Variants in PCNX1 observed in about 807,000 individuals in gnomAD.
PCNX1 encodes pecanex 1.
Under a neutral mutation model 242.2 loss-of-function variants are expected in PCNX1, and 78 were observed. The ratio of observed to expected loss-of-function variants is 0.32; its 90% CI spans 0.27 to 0.39. The LOEUF (loss-of-function observed/expected upper bound fraction) is 0.39, where lower values mean the gene tolerates loss of function less well. PCNX1 is among the 10% of genes least tolerant of loss of function. PCNX1 has a pLI of 1.00. For missense variants in PCNX1, 2,581 were observed against 2,856.5 expected, an observed-to-expected ratio of 0.90 and a Z score of 2.20; for synonymous variants, 1,024 against 1,032.9, an observed-to-expected ratio of 0.99 and a Z score of 0.17.
chr14:70,976,564 G>A (rs1277972472), intron 5 of PCNX1, among the ~76,000 whole-genome samples: 4 of 151,864 alleles, frequency 2.6e-5, no homozygotes, highest in Non-Finnish European at 4.4e-5. Flanking sequence ...TAGTAGAGAC[G>A]GAGTTTCACA....
intron 5 of PCNX1, among the ~76,000 whole-genome samples, chr14:70,973,615 G>A (rs1456801536): frequency 6.6e-6 from 1 of 151,926 alleles, no homozygotes; most frequent in African/African-American, 2.4e-5. Context: ...ATAGCAAGCA[G>A]GAGAAGTAAA....
rs1194262642 is a variant in PCNX1 at position 70,969,124 on chromosome 14, A to G, written c.604+14A>G. 7 of 1,481,004 alleles carry G rather than the reference A, an allele frequency of 4.7e-6. No individual in the cohort carries two copies. Among genetic ancestry groups the G allele is most frequent in the Non-Finnish European group, 5.7e-6 (6 of 1,058,538 alleles). The allele number at this position is 1,481,004 out of a possible 1,614,324, so 91.7% of individuals were successfully genotyped here. On this transcript the variant is annotated intron_variant, in intron 5 of 35. Coordinates refer to ENST00000304743, the MANE Select transcript of PCNX1 (RefSeq NM_014982.3). ...GTGAAGAACAAGGTAAGAACGTTAT[A>G]CTTTACCATGATGTCATATACTGTG...
chr14:70,947,501 G>T (rs1286853473), intron 2 of PCNX1, among the ~76,000 whole-genome samples: 3 of 152,136 alleles, frequency 2.0e-5, no homozygotes, highest in Admixed American at 6.5e-5. Context: ...TGTCTTTACT[G>T]CAGTCTCTGA....
At chr14:70,958,318 A>G (rs1418166586) in intron 2 of PCNX1, among the ~76,000 whole-genome samples, 2 of 152,268 alleles carry the variant, frequency 1.3e-5, no homozygotes, top group Admixed American at 6.5e-5. Flanking sequence ...CAGGGACATT[A>G]TAATTATGAG....
chr14:71,079,355 A>T (rs917619629), intron 28 of PCNX1, among the ~76,000 whole-genome samples: 2 of 152,214 alleles, frequency 1.3e-5, no homozygotes, highest in Non-Finnish European at 2.9e-5. Flanking sequence ...CTTTGTGTGT[A>T]TACCCAAAAT....
At chr14:71,047,422 A>G (rs1048117349) in intron 21 of PCNX1, among the ~76,000 whole-genome samples, 2 of 152,132 alleles carry the variant, frequency 1.3e-5, no homozygotes, top group African/African-American at 4.8e-5. Context: ...AGTTGCCTCC[A>G]TAGTCATCCG....
chr14:70,978,221 C>G lies in PCNX1; in HGVS notation c.1884C>G (p.Thr628=). 6.2e-7 allele frequency: 1 copy of G among 1,614,050 alleles called. No homozygotes were observed. The highest frequency in any genetic ancestry group is 8.5e-7 in the Non-Finnish European group (1 of 1,179,990). The change falls in exon 6 of 36, where the codon ACC becomes ACG. Residue 628 remains threonine, a synonymous_variant. Coordinates refer to ENST00000304743, the MANE Select transcript of PCNX1 (RefSeq NM_014982.3). ...TCAGCAGTGATAGCTCTTCTAGCAC[C>G]ACTTCTCATTCCTGTCAGTCTCCTG... The part of the protein sequence containing the change: ...HQFSSDSSSS[T]TSHSCQSPEG...
chr14:70,993,124 ATT>A (rs5809506), intron 7 of PCNX1, among the ~76,000 whole-genome samples: 1 of 145,992 alleles, frequency 6.8e-6, no homozygotes, highest in Admixed American at 6.8e-5. Context: ...ATCTAAATTA[ATT>A]TTTTTTTTTT....
chr14:71,082,277 A>G (rs1341088037), intron 28 of PCNX1, among the ~76,000 whole-genome samples: 1 of 152,122 alleles, frequency 6.6e-6, no homozygotes, highest in Non-Finnish European at 1.5e-5. Context: ...TTTACTTCCA[A>G]TTATGTGGTC....
chr14:70,961,989 A>G (rs1430169245), intron 2 of PCNX1, among the ~76,000 whole-genome samples: 1 of 151,486 alleles, frequency 6.6e-6, no homozygotes, highest in East Asian at 1.9e-4. Context: ...TGATGTAGAC[A>G]GTTTGGAATA....
At chr14:70,943,799 G>A (rs910454503) in intron 1 of PCNX1, among the ~76,000 whole-genome samples, 1 of 152,160 alleles carries the variant, frequency 6.6e-6, no homozygotes, top group Non-Finnish European at 1.5e-5. Flanking sequence ...CCAGGGCCTT[G>A]CTGCTTTGCA....
chr14:71,039,236 TAAAAA>T (rs909198254), intron 19 of PCNX1, among the ~76,000 whole-genome samples: 3 of 151,638 alleles, frequency 2.0e-5, no homozygotes, highest in Non-Finnish European at 2.9e-5. Flanking sequence ...AAAAAAAAAT[TAAAAA>T]AACAAAAAAA....
intron 26 of PCNX1, among the ~76,000 whole-genome samples, chr14:71,067,162 G>T (rs1005565346): frequency 3.3e-5 from 5 of 151,526 alleles, no homozygotes; most frequent in African/African-American, 4.9e-5. Context: ...TCTTTTTATT[G>T]TTTGGAATAG....
chr14:71,019,445 C>T (rs1460026283), intron 12 of PCNX1, among the ~76,000 whole-genome samples: 1 of 152,138 alleles, frequency 6.6e-6, no homozygotes, highest in East Asian at 1.9e-4. Context: ...CTCTGTTGCC[C>T]AGGCTGCAGT....
chr14:71,076,235 T>A lies in PCNX1; in HGVS notation c.5153T>A (p.Leu1718Gln). ...VTTSSKLEEW[L>Q]ANETMQEGLR... ...ACCTCGTCTAAGCTAGAGGAGTGGCTAGCTAATGAGACAATGCAGGAAGGA... is the reference window on the plus strand; with the variant it reads ...ACCTCGTCTAAGCTAGAGGAGTGGCAAGCTAATGAGACAATGCAGGAAGGA... The change falls in exon 28 of 36, where the codon CTA becomes CAA. Residue 1718 changes from leucine (L) to glutamine (Q), a missense_variant. Physicochemically the swap from Leu to Gln is moderately radical, Grantham distance 113 (BLOSUM62 -2). Transcript: ENST00000304743. 1 of 1,613,770 alleles carries A rather than the reference T, an allele frequency of 6.2e-7. No individual in the cohort carries two copies.
intron 19 of PCNX1, among the ~76,000 whole-genome samples, chr14:71,041,273 A>G (rs2060696021): frequency 6.6e-6 from 1 of 152,122 alleles, no homozygotes; most frequent in Non-Finnish European, 1.5e-5. Context: ...TAGTGGTTGT[A>G]CTAATTTATA....
intron 7 of PCNX1, among the ~76,000 whole-genome samples, chr14:70,992,729 T>C (rs2059205307): frequency 6.6e-6 from 1 of 152,244 alleles, no homozygotes; most frequent in Non-Finnish European, 1.5e-5. Flanking sequence ...TGCAGTGTTA[T>C]AAAATAGTTG....
intron 6 of PCNX1, among the ~76,000 whole-genome samples, chr14:70,983,520 G>T (rs1220761762): frequency 6.6e-6 from 1 of 152,122 alleles, no homozygotes; most frequent in Admixed American, 6.5e-5. Flanking sequence ...GGCCAGGCTG[G>T]TCTCGAACTC....
chr14:71,051,846 A>G, intron 23 of PCNX1, 37 bp from the exon 24 acceptor site: 1 of 1,602,278 alleles, frequency 6.2e-7, no homozygotes, highest in African/African-American at 1.3e-5. Flanking sequence ...ATCTGTGCTC[A>G]GATGAATGTC....
Sources: allele counts gnomAD v4.1 joint callset (sites outside exome capture counted in the v4.1 genomes callset), GRCh38; gene constraint gnomAD v4.1.1; transcripts MANE v1.5; gene names NCBI Gene and HGNC (gene_info 2026-07-23, HGNC 2026-07-21).